Variants in PLB1 observed in about 807,000 individuals in gnomAD.
PLB1 encodes phospholipase B1, membrane-associated.
Under a neutral mutation model 227.4 loss-of-function variants are expected in PLB1, and 242 were observed. The ratio of observed to expected loss-of-function variants is 1.06; its 90% CI spans 0.96 to 1.18. The LOEUF (loss-of-function observed/expected upper bound fraction) is 1.18, where lower values mean the gene tolerates loss of function less well. Ranked by LOEUF, PLB1 falls within the 50% of genes most tolerant of loss-of-function variation. PLB1 has a pLI of 0.00. For synonymous variants in PLB1, 757 were observed against 682.2 expected (o/e 1.11, Z -1.71); for missense variants, 1,858 against 1,816.3 (o/e 1.02, Z -0.42).
intron 21 of PLB1, among the ~76,000 whole-genome samples, chr2:28,574,384 CT>C (rs70956023): frequency 3.0e-4 from 22 of 73,988 alleles, no homozygotes; most frequent in East Asian, 1.4e-3. Context: ...TTATATCATT[CT>C]TTTTTTTTTT....
At chr2:28,547,202 CA>C (rs531346408) in intron 14 of PLB1, among the ~76,000 whole-genome samples, 17 of 99,884 alleles carry the variant, frequency 1.7e-4, no homozygotes, top group South Asian at 3.9e-4. Flanking sequence ...ACCCTGTCTC[CA>C]AAAAAAAAAA....
Position 28,547,874 on chromosome 2 carries a change from C to T in PLB1, c.937-986C>T, listed in dbSNP as rs549367956. ...AACTTTTAAAAAAAATCCCTCCTTC[C>T]CTCTAATTCTTTAACGGCCTTCACT... On this transcript the variant is annotated intron_variant, in intron 14 of 57. Transcript: ENST00000327757. Among the ~76,000 whole-genome samples, 3 of 152,224 alleles carry T rather than the reference C, an allele frequency of 2.0e-5. No individual in the cohort carries two copies. In the East Asian group the frequency reaches 5.8e-4, roughly 29 times the overall value.
chr2:28,536,272 C>T (rs2148200582), intron 9 of PLB1, among the ~76,000 whole-genome samples: 1 of 152,340 alleles, frequency 6.6e-6, no homozygotes, highest in African/African-American at 2.4e-5. Context: ...GTGACAATGA[C>T]TCTGAAGGCA....
chr2:28,564,175 G>C lies in PLB1; in HGVS notation c.1206+1076G>C, dbSNP rs552703761. Among the ~76,000 whole-genome samples the C allele has an allele frequency of 7.2e-5, 11 of 152,294 alleles. No homozygotes were observed. In the East Asian group the frequency reaches 7.7e-4, roughly 11 times the overall value. ...GAAGATCACTTGAGCTCAGGATTTC[G>C]AGGCTGCAATGAGCCACAATGGTGC... On this transcript the variant is annotated intron_variant, in intron 18 of 57. Transcript: ENST00000327757.
At chr2:28,541,185 T>TTAAATAAATAAATAAATAAATAAA (rs35262780) in intron 12 of PLB1, among the ~76,000 whole-genome samples, 239 of 150,106 alleles carry the variant, frequency 1.6e-3, no homozygotes, top group African/African-American at 5.5e-3. Context: ...AATAAATAAA[T>TTAAATAAATAAATAAATAAATAAA]TAAATAAATA....
chr2:28,528,212 A>G (rs541970110), intron 6 of PLB1, among the ~76,000 whole-genome samples: 1 of 152,272 alleles, frequency 6.6e-6, no homozygotes, highest in South Asian at 2.1e-4. Flanking sequence ...CCTCCTTCAC[A>G]GGGAGCCCCT....
chr2:28,569,721 T>C (rs1181151647), intron 20 of PLB1, among the ~76,000 whole-genome samples: 2 of 151,918 alleles, frequency 1.3e-5, no homozygotes, highest in African/African-American at 4.8e-5. Context: ...ATCCCAGCAC[T>C]TTGGGAGGCC....
intron 16 of PLB1, 59 bp downstream of exon 16, chr2:28,550,143 T>G (rs1673989919): frequency 7.4e-7 from 1 of 1,349,490 alleles, no homozygotes; most frequent in African/African-American, 1.5e-5. Context: ...CTGTACTTCT[T>G]GCTGAATCTT....
chr2:28,630,754 C>G lies in PLB1; in HGVS notation c.3897+90C>G, dbSNP rs985311930. On this transcript the variant is annotated intron_variant, in intron 54 of 57. Transcript: ENST00000327757. ...AAATCGAATGCCCAGCAGGATGTGG[C>G]CAAGAGCAAGCCACTCCCTAAAAGC... 3.6e-6 allele frequency: 4 copies of G among 1,104,290 alleles called. No homozygotes were observed. The African/African-American group carries it at 6.3e-5, about 17-fold the overall frequency. The allele number at this position is 1,104,290 out of a possible 1,614,324, so 68.4% of individuals were successfully genotyped here.
intron 23 of PLB1, among the ~76,000 whole-genome samples, chr2:28,581,815 GCCA>G (rs1680063162): frequency 6.6e-6 from 1 of 152,084 alleles, no homozygotes; most frequent in Non-Finnish European, 1.5e-5. Flanking sequence ...ACAAAAATTA[GCCA>G]GGTGTGGTGG....
intron 43 of PLB1, among the ~76,000 whole-genome samples, chr2:28,612,810 T>A (rs1573433935): frequency 6.9e-6 from 1 of 145,234 alleles, no homozygotes. Flanking sequence ...AGAGACAGGG[T>A]TTCACCATGT....
chr2:28,532,808 G>A (rs191350877), intron 9 of PLB1, among the ~76,000 whole-genome samples: 131 of 152,316 alleles, frequency 8.6e-4, no homozygotes, highest in East Asian at 9.6e-4. Context: ...GAAGTAGACT[G>A]TATCTTCCAA....
intron 30 of PLB1, 118 bp from the exon 31 acceptor site, chr2:28,591,582 C>T: frequency 3.8e-6 from 4 of 1,059,406 alleles, no homozygotes; most frequent in Non-Finnish European, 4.1e-6. Context: ...TTTGAGGCCC[C>T]TCCCTAGGAG....
rs779845643 is a variant in PLB1, at chr2:28,532,149, C to A, written c.510C>A (p.Phe170Leu). 9.9e-6 allele frequency: 16 copies of A among 1,613,056 alleles called. No individual in the cohort carries two copies. Among genetic ancestry groups the A allele is most frequent in the East Asian group, 2.2e-5 (1 of 44,830 alleles). ...TTGACTGGAAGCTCATCAATGTGTT[C>A]TTCAGTAATGCAAGCCAGTGTTACC... ...FQFDWKLINV[F>L]FSNASQCYLC... The change falls in exon 9 of 58, where the codon TTC becomes TTA. Residue 170 changes from phenylalanine (F) to leucine (L), a missense_variant. Physicochemically the swap from Phe to Leu is conservative, Grantham distance 22. Coordinates refer to ENST00000327757, the MANE Select transcript of PLB1 (RefSeq NM_153021.5).
At chr2:28,585,177 A>G (rs1194430981) in intron 25 of PLB1, among the ~76,000 whole-genome samples, 2 of 152,186 alleles carry the variant, frequency 1.3e-5, no homozygotes, top group African/African-American at 4.8e-5. Context: ...CTTTCCTCAG[A>G]CAGCCGTAAG....
chr2:28,597,756 A>T (rs1160236952), intron 33 of PLB1, among the ~76,000 whole-genome samples: 1 of 152,200 alleles, frequency 6.6e-6, no homozygotes, highest in Admixed American at 6.5e-5. Flanking sequence ...TACTCAGCTA[A>T]GCATTCTCCC....
At chr2:28,617,917 C>A in intron 45 of PLB1, 130 bp downstream of exon 45, 1 of 900,702 alleles carries the variant, frequency 1.1e-6, no homozygotes, top group Admixed American at 2.0e-5. Context: ...AGACCTAGAT[C>A]CTGCGGCCTG....
chr2:28,538,305 T>C lies in PLB1; in HGVS notation c.556-14T>C. 1.2e-6 allele frequency: 2 copies of C among 1,614,060 alleles called. No individual in the cohort carries two copies. Among genetic ancestry groups the C allele is most frequent in the Non-Finnish European group, 1.7e-6 (2 of 1,180,002 alleles). ...CTGCAGGCACCCTCACTTAGCACGGTTCTCCTCTCACAGAATGGGCTTGCG... is the reference window on the plus strand; with the variant it reads ...CTGCAGGCACCCTCACTTAGCACGGCTCTCCTCTCACAGAATGGGCTTGCG... On this transcript the variant is annotated splice_polypyrimidine_tract_variant and intron_variant, in intron 9 of 57. Transcript: ENST00000327757.
intron 18 of PLB1, 106 bp downstream of exon 18, chr2:28,563,205 T>A: frequency 8.8e-7 from 1 of 1,133,856 alleles, no homozygotes; most frequent in Non-Finnish European, 1.3e-6. Context: ...GGCTCTTAGA[T>A]GCTACCATCT....
Sources: gnomAD v4.1 joint callset for allele counts (sites outside exome capture counted in the v4.1 genomes callset) on GRCh38, gnomAD v4.1.1 for gene constraint, MANE v1.5 for transcripts, NCBI Gene and HGNC (gene_info 2026-07-23, HGNC 2026-07-21) for gene names.